The following NMD3 variants were observed in gnomAD, a reference collection of about 807,000 sequenced individuals.
The protein encoded by NMD3 is NMD3 ribosome export adaptor.
In NMD3, 47 loss-of-function variants were observed where a neutral mutation model predicts 73.1. That is an observed-to-expected ratio of 0.64 (90% CI 0.51 to 0.82). The LOEUF (loss-of-function observed/expected upper bound fraction) is 0.82, where lower values mean the gene tolerates loss of function less well. Among genes scored for constraint, NMD3 ranks in the 40% least tolerant of loss-of-function variants. The probability of loss-of-function intolerance (pLI) is 0.00; values close to 1 mark genes in which losing one functional copy is unlikely to be tolerated. For missense variants in NMD3, 554 were observed against 612.5 expected, an observed-to-expected ratio of 0.90 and a Z score of 1.01; for synonymous variants, 210 against 194.5, an observed-to-expected ratio of 1.08 and a Z score of -0.66.
At chr3:161,223,495 G>GT (rs1736188763) in intron 2 of NMD3, among the ~76,000 whole-genome samples, 2 of 85,152 alleles carry the variant, frequency 2.3e-5, no homozygotes, top group African/African-American at 1.6e-4. Context: ...CAGTCCTTAT[G>GT]CTTTTTTTTT....
chr3:161,229,765 AAAGGAG>A, intron 4 of NMD3, among the ~76,000 whole-genome samples: 1 of 152,314 alleles, frequency 6.6e-6, no homozygotes, highest in East Asian at 1.9e-4. Flanking sequence ...AGGAATCAGC[AAAGGAG>A]ACTGAAAGGA....
chr3:161,221,958 C>CTTTTT lies in NMD3; in HGVS notation c.-20-10_-20-6dup, dbSNP rs376329329. ...AAAGTGATTTAAATCCCAACATTCTCTTTTTTTTTTTTTTTTTTTTTTTTT... is the reference window on the plus strand; with the variant it reads ...AAAGTGATTTAAATCCCAACATTCTCTTTTTTTTTTTTTTTTTTTTTTTTTTTTTT... On this transcript the variant is annotated intron_variant, in intron 1 of 15. Transcript: ENST00000351193. 7.0e-4 allele frequency: 607 copies of CTTTTT among 868,418 alleles called. 15 individuals are homozygous for CTTTTT. The African/African-American group carries it at 7.6e-3, about 11-fold the overall frequency. 53.8% of individuals were successfully genotyped at this position (868,418 alleles called of 1,614,324 possible).
intron 11 of NMD3, among the ~76,000 whole-genome samples, chr3:161,245,289 T>C (rs1737155558): frequency 6.6e-6 from 1 of 152,074 alleles, no homozygotes. Flanking sequence ...GGGCAAACTT[T>C]TCATTTATAA....
At chr3:161,250,676 A>C in intron 15 of NMD3, 104 bp from the exon 16 acceptor site, 1 of 694,144 alleles carries the variant, frequency 1.4e-6, no homozygotes, top group Non-Finnish European at 2.3e-6. Context: ...GTAGTTACAT[A>C]ATAATAATGA....
At chr3:161,226,966 C>G (rs1385473160) in intron 3 of NMD3, among the ~76,000 whole-genome samples, 1 of 152,074 alleles carries the variant, frequency 6.6e-6, no homozygotes, top group African/African-American at 2.4e-5. Context: ...TTAAGAGACT[C>G]TTGGACATTT....
intron 4 of NMD3, among the ~76,000 whole-genome samples, chr3:161,228,272 A>G (rs1221208312): frequency 1.3e-5 from 2 of 151,910 alleles, no homozygotes; most frequent in Non-Finnish European, 2.9e-5. Context: ...TTCTGCCTTT[A>G]TTTTCCTACT....
chr3:161,239,149 A>G (rs1357531682), intron 9 of NMD3, among the ~76,000 whole-genome samples: 1 of 152,194 alleles, frequency 6.6e-6, no homozygotes, highest in East Asian at 1.9e-4. Context: ...GAATAAAAGA[A>G]ATGACATTAA....
At chr3:161,244,773 C>T (rs1371056580) in intron 11 of NMD3, among the ~76,000 whole-genome samples, 1 of 151,838 alleles carries the variant, frequency 6.6e-6, no homozygotes, top group Non-Finnish European at 1.5e-5. Flanking sequence ...CATGCTGCCA[C>T]ACCTGTCTCA....
At chr3:161,244,324 T>G (rs1737106691) in intron 11 of NMD3, among the ~76,000 whole-genome samples, 1 of 152,074 alleles carries the variant, frequency 6.6e-6, no homozygotes, top group South Asian at 2.1e-4. Context: ...AGAGATGGGG[T>G]CTCCATGTTA....
At chr3:161,250,630 A>G (rs1168481182) in intron 15 of NMD3, 150 bp from the exon 16 acceptor site, 1 of 581,876 alleles carries the variant, frequency 1.7e-6, no homozygotes, top group African/African-American at 1.9e-5. Context: ...TGTAATTTGA[A>G]TGACTGCTGT....
chr3:161,240,378 A>C (rs899541955), intron 9 of NMD3, among the ~76,000 whole-genome samples: 1 of 152,136 alleles, frequency 6.6e-6, no homozygotes, highest in Non-Finnish European at 1.5e-5. Context: ...GATTGAAAGA[A>C]GTCACAGGTG....
chr3:161,247,962 G>A (rs937087472), intron 13 of NMD3, among the ~76,000 whole-genome samples: 3 of 150,864 alleles, frequency 2.0e-5, no homozygotes, highest in South Asian at 4.2e-4. Flanking sequence ...TTTAAAACAC[G>A]TTTTGTAGAG....
intron 3 of NMD3, among the ~76,000 whole-genome samples, chr3:161,227,042 A>C (rs536038106): frequency 6.6e-6 from 1 of 152,186 alleles, no homozygotes; most frequent in Non-Finnish European, 1.5e-5. Flanking sequence ...TGACTTTCTC[A>C]GTCAGAATTT....
Position 161,241,044 on chromosome 3 carries a change from A to C in NMD3, c.754-2A>C. The C allele has an allele frequency of 6.3e-7, 1 of 1,585,660 alleles. No individual in the cohort carries two copies. Among genetic ancestry groups the C allele is most frequent in the Non-Finnish European group, 8.7e-7 (1 of 1,155,848 alleles). On this transcript the variant is annotated splice_acceptor_variant, in intron 9 of 15. Coordinates refer to ENST00000351193, the MANE Select transcript of NMD3 (RefSeq NM_015938.5). LOFTEE classifies it high-confidence loss of function. ...ATTCTAAATGTTAGTTCTTATGCCTAGGATAATGTTGTCTGTCTGTCTCCA... is the reference window on the plus strand; with the variant it reads ...ATTCTAAATGTTAGTTCTTATGCCTCGGATAATGTTGTCTGTCTGTCTCCA...
At chr3:161,225,547 C>G (rs774131235) in intron 3 of NMD3, among the ~76,000 whole-genome samples, 4 of 152,056 alleles carry the variant, frequency 2.6e-5, no homozygotes, top group Non-Finnish European at 4.4e-5. Context: ...CTGGAATGGT[C>G]TGAAATAAAG....
In NMD3 at chr3:161,247,274, T is replaced by C; in HGVS notation, c.1147T>C (p.Cys383Arg). 1 of 1,610,628 alleles carries C rather than the reference T, an allele frequency of 6.2e-7. No individual in the cohort carries two copies. Among genetic ancestry groups the C allele is most frequent in the Non-Finnish European group, 8.5e-7 (1 of 1,177,072 alleles). ...ACATTTCAGGTTTGATTTGGCCAAC[T>C]GTAACTTAAATGATGAGCATGTCAA... ...DLVLGFDLAN[C>R]NLNDEHVNKM... is the part of the protein sequence containing the mutation. Residue 383 changes from cysteine to arginine, a missense_variant, in exon 13 of 16, where the codon TGT becomes CGT. Transcript: ENST00000351193.
At chr3:161,226,763 T>C (rs2108076091) in intron 3 of NMD3, among the ~76,000 whole-genome samples, 1 of 152,356 alleles carries the variant, frequency 6.6e-6, no homozygotes, top group African/African-American at 2.4e-5. Context: ...AATGTTGTTT[T>C]ACAATTTACA....
chr3:161,234,728 T>C lies in NMD3; in HGVS notation c.359T>C (p.Val120Ala), dbSNP rs748631665. 1 of 1,608,290 alleles carries C rather than the reference T, an allele frequency of 6.2e-7. No individual in the cohort carries two copies. Among genetic ancestry groups the C allele is most frequent in the South Asian group, 1.1e-5 (1 of 90,066 alleles). Residue 120 changes from valine (V) to alanine (A), a missense_variant and splice_region_variant, in exon 6 of 16, where the codon GTG (valine) becomes GCG (alanine). Val to Ala is a moderately conservative substitution (Grantham distance 64). Transcript: ENST00000351193. Reference sequence around the variant, plus strand: ...GAAGGAGTGTAATTGTTTTATCAGGTGATGAATGGTGCTATCCTTCAACAA... The same window carrying C: ...GAAGGAGTGTAATTGTTTTATCAGGCGATGAATGGTGCTATCCTTCAACAA... ...LKVKLTIQKE[V>A]MNGAILQQVF...
At chr3:161,249,139 A>T (rs1288137122) in intron 13 of NMD3, among the ~76,000 whole-genome samples, 1 of 152,252 alleles carries the variant, frequency 6.6e-6, no homozygotes, top group Non-Finnish European at 1.5e-5. Context: ...ATTTATATGA[A>T]TGGTAGCTGA....
Sources: allele counts gnomAD v4.1 joint callset (sites outside exome capture counted in the v4.1 genomes callset), GRCh38; gene constraint gnomAD v4.1.1; transcripts MANE v1.5; gene names NCBI Gene and HGNC (gene_info 2026-07-23, HGNC 2026-07-21).